The following RASA1 variants were observed in gnomAD, a reference collection of about 807,000 sequenced individuals.
The protein encoded by RASA1 is ras GTPase-activating protein 1.
A neutral mutation model predicts 132.2 loss-of-function variants in RASA1; 25 were observed. That is an observed-to-expected ratio of 0.19 (90% CI 0.14 to 0.26). The LOEUF is 0.26. RASA1 is among the 10% of genes least tolerant of loss of function. RASA1 has a pLI of 1.00. For synonymous variants in RASA1, 477 were observed against 449.9 expected (o/e 1.06, Z -0.76); for missense variants, 964 against 1,299.2 (o/e 0.74, Z 3.97).
chr5:87,280,790 T>C (rs1046606361), intron 1 of RASA1, among the ~76,000 whole-genome samples: 2 of 152,018 alleles, frequency 1.3e-5, no homozygotes, highest in African/African-American at 4.8e-5. Flanking sequence ...AGAGTCTCAC[T>C]CTGTCGCCCA....
At chr5:87,385,908 A>G (rs975176094) in intron 22 of RASA1, among the ~76,000 whole-genome samples, 10 of 151,994 alleles carry the variant, frequency 6.6e-5, no homozygotes, top group Non-Finnish European at 2.9e-5. Context: ...GATGGCTTCC[A>G]TTTGTCCCTG....
chr5:87,352,763 T>G (rs1759367481), intron 8 of RASA1, among the ~76,000 whole-genome samples: 1 of 151,848 alleles, frequency 6.6e-6, no homozygotes, highest in Non-Finnish European at 1.5e-5. Context: ...TTACCTGAAC[T>G]CTGCTTCCTA....
rs1761160721 is a variant in RASA1 at position 87,374,325 on chromosome 5, G to C, written c.1934+5G>C. ...GTCAGAAGAGTTTGTCTTTGAGTAA[G>C]TCTTATTTTATCATTACATTAATCA... On this transcript the variant is annotated splice_donor_5th_base_variant and intron_variant, in intron 14 of 24. Coordinates refer to ENST00000274376, the MANE Select transcript of RASA1 (RefSeq NM_002890.3). 1 of 1,599,080 alleles carries C rather than the reference G, an allele frequency of 6.3e-7. No homozygotes were observed. The highest frequency in any genetic ancestry group is 1.3e-5 in the African/African-American group (1 of 74,306).
At chr5:87,361,704 A>G (rs1362516582) in intron 9 of RASA1, among the ~76,000 whole-genome samples, 1 of 152,152 alleles carries the variant, frequency 6.6e-6, no homozygotes, top group East Asian at 1.9e-4. Flanking sequence ...CATTCCTAAA[A>G]ATCATAGCAT....
chr5:87,325,663 AG>A (rs1757177057), intron 1 of RASA1, among the ~76,000 whole-genome samples: 1 of 152,224 alleles, frequency 6.6e-6, no homozygotes. Context: ...GGAAAAACCA[AG>A]TGGAAAGTAA....
chr5:87,338,693 T>C (rs185812257), intron 5 of RASA1, among the ~76,000 whole-genome samples: 36 of 150,552 alleles, frequency 2.4e-4, no homozygotes, highest in Admixed American at 7.9e-4. Flanking sequence ...ATTTTTGTTC[T>C]TTTTTTTGCC....
chr5:87,269,029 C>G, intron 1 of RASA1, 39 bp downstream of exon 1: 2 of 1,614,222 alleles, frequency 1.2e-6, no homozygotes, highest in Non-Finnish European at 1.7e-6. Flanking sequence ...GGGAAGCTGG[C>G]TCCAGAAAAG....
chr5:87,379,505 A>G (rs539965225), intron 18 of RASA1, among the ~76,000 whole-genome samples: 1 of 152,278 alleles, frequency 6.6e-6, no homozygotes, highest in Admixed American at 6.5e-5. Flanking sequence ...TTGACTAAGC[A>G]CTGTTTGCTT....
Position 87,307,253 on chromosome 5 carries a change from AG to A in RASA1, c.540-24093del, listed in dbSNP as rs566888573. The stretch of plus-strand genomic sequence containing the variant: ...CTTTTTTTCTGCATTACGGTTTGAC[AG>A]GTATAACTTTTCTGTATTTTCTGTC... On this transcript the variant is annotated intron_variant, in intron 1 of 24. Coordinates refer to ENST00000274376, the MANE Select transcript of RASA1 (RefSeq NM_002890.3). Among the ~76,000 whole-genome samples, 463 of 152,240 alleles carry A rather than the reference AG, an allele frequency of 3.0e-3. 3 individuals are homozygous for A. Among genetic ancestry groups the A allele is most frequent in the African/African-American group, 0.011 (447 of 41,524 alleles).
Position 87,268,575 on chromosome 5 carries a change from C to T in RASA1, c.124C>T (p.Leu42=), listed in dbSNP as rs1753672813. 3 of 1,608,974 alleles carry T rather than the reference C, an allele frequency of 1.9e-6. No individual in the cohort carries two copies. Among genetic ancestry groups the T allele is most frequent in the Non-Finnish European group, 2.5e-6 (3 of 1,178,516 alleles). The change falls in exon 1 of 25, where the codon CTG becomes TTG. Residue 42 remains leucine, a synonymous_variant. Transcript: ENST00000274376. The part of the protein sequence containing the change: ...AVCRVKIPAA[L]PVAAAPYPGL... ...GTGTCGGGTGAAGATACCCGCGGCC[C>T]TGCCTGTGGCAGCCGCCCCCTATCC...
At chr5:87,386,575 G>GT (rs1368357896) in intron 22 of RASA1, among the ~76,000 whole-genome samples, 3 of 151,900 alleles carry the variant, frequency 2.0e-5, no homozygotes, top group African/African-American at 7.2e-5. Context: ...ATACTCCTCA[G>GT]TATAGCCATT....
chr5:87,279,380 CCA>C (rs1754212228), intron 1 of RASA1, among the ~76,000 whole-genome samples: 1 of 150,770 alleles, frequency 6.6e-6, no homozygotes, highest in African/African-American at 2.4e-5. Flanking sequence ...TGTAGATGTG[CCA>C]CAGTTTGTTT....
At position 87,390,990 on chromosome 5, in the gene RASA1, A is replaced by G; in HGVS notation, c.*107A>G. On this transcript the variant is annotated 3_prime_UTR_variant, in exon 25 of 25. Transcript: ENST00000274376. ...GCCAAAAAATAGCACACTTTTCCAC[A>G]TTCCAGTGATGTGTGAGCTATGCAA... 1 of 1,107,302 alleles carries G rather than the reference A, an allele frequency of 9.0e-7. No homozygotes were observed. The highest frequency in any genetic ancestry group is 1.4e-6 in the Non-Finnish European group (1 of 731,754). The allele number at this position is 1,107,302 out of a possible 1,614,324, so 68.6% of individuals were successfully genotyped here.
At chr5:87,357,230 A>G (rs1245948057) in intron 9 of RASA1, among the ~76,000 whole-genome samples, 2 of 151,958 alleles carry the variant, frequency 1.3e-5, no homozygotes, top group African/African-American at 4.8e-5. Context: ...ATACACACAC[A>G]TATATAAATA....
At chr5:87,389,665 C>A in intron 24 of RASA1, 138 bp downstream of exon 24, 1 of 1,170,118 alleles carries the variant, frequency 8.5e-7, no homozygotes, top group East Asian at 2.5e-5. Flanking sequence ...TACAAAAGAT[C>A]TCAGCAGACA....
Position 87,332,615 on chromosome 5 carries a change from ATTACT to A in RASA1, c.806_810del (p.Leu269ProfsTer11). ...TTTCTTGTTTGCTTAAAGGAGAAAAATTACTTTACCCAGTTGCACCACCAGAGGCA... is the reference window on the plus strand; with the variant it reads ...TTTCTTGTTTGCTTAAAGGAGAAAAATTACCCAGTTGCACCACCAGAGGCA... On this transcript the variant is annotated frameshift_variant, in exon 3 of 25. Transcript: ENST00000274376. LOFTEE classifies it high-confidence loss of function. 6.2e-7 allele frequency: 1 copy of A among 1,611,178 alleles called. No homozygotes were observed. The highest frequency in any genetic ancestry group is 8.5e-7 in the Non-Finnish European group (1 of 1,178,004).
chr5:87,337,408 A>G (rs1472974985), intron 4 of RASA1, among the ~76,000 whole-genome samples: 1 of 152,076 alleles, frequency 6.6e-6, no homozygotes, highest in African/African-American at 2.4e-5. Context: ...CCCATTGGAT[A>G]ATGGGTATCT....
intron 13 of RASA1, 44 bp downstream of exon 13, chr5:87,372,239 C>G (rs373237895): frequency 2.1e-4 from 332 of 1,546,970 alleles, no homozygotes; most frequent in Admixed American, 6.0e-4. Context: ...ACATTTTGCT[C>G]TAACACTTTG....
intron 24 of RASA1, 38 bp from the exon 25 acceptor site, chr5:87,390,762 G>A (rs2112530214): frequency 6.5e-7 from 1 of 1,547,490 alleles, no homozygotes; most frequent in Non-Finnish European, 8.9e-7. Flanking sequence ...TGCTGACCGA[G>A]CTTTCATTTA....
Sources: allele counts gnomAD v4.1 joint callset (sites outside exome capture counted in the v4.1 genomes callset), GRCh38; gene constraint gnomAD v4.1.1; transcripts MANE v1.5; gene names NCBI Gene and HGNC (gene_info 2026-07-23, HGNC 2026-07-21).